Variants in RIMS3 observed in about 807,000 individuals in gnomAD.
RIMS3 encodes the protein regulating synaptic membrane exocytosis 3.
RIMS3 carries 15 observed loss-of-function variants against 29.2 expected under a neutral mutation model. The observed-to-expected ratio is 0.51, with a 90% confidence interval of 0.34 to 0.79. The LOEUF (loss-of-function observed/expected upper bound fraction) is 0.79. Ranked by LOEUF, RIMS3 falls within the 30% of genes least tolerant of loss-of-function variation. The pLI, the probability that RIMS3 is intolerant of heterozygous loss-of-function variation, is 0.01. For synonymous variants in RIMS3, 161 were observed against 170.1 expected, an observed-to-expected ratio of 0.95 and a Z score of 0.41; for missense variants, 342 against 421.4, an observed-to-expected ratio of 0.81 and a Z score of 1.65.
At chr1:40,683,565 C>A in the RIMS3 span, among the ~76,000 whole-genome samples, 1 of 152,372 alleles carries the variant, frequency 6.6e-6, no homozygotes, top group East Asian at 1.9e-4. Flanking sequence ...TCCAGAACCA[C>A]AACCCAAATA....
intron 3 of RIMS3, among the ~76,000 whole-genome samples, chr1:40,640,116 T>C (rs762500763): frequency 6.6e-6 from 1 of 152,146 alleles, no homozygotes; most frequent in Non-Finnish European, 1.5e-5. Context: ...TGAAGCTGAA[T>C]CAGCTGGATT....
chr1:40,675,861 G>A, the RIMS3 span, among the ~76,000 whole-genome samples: 6 of 152,058 alleles, frequency 3.9e-5, no homozygotes, highest in African/African-American at 1.4e-4. Context: ...CCAGGATGCA[G>A]AGGTTGCAGT....
At position 40,635,451 on chromosome 1, in the gene RIMS3, T is replaced by C. The variant is rs530447715; in HGVS notation, c.359+465A>G. On this transcript the variant is annotated intron_variant, in intron 4 of 7. Transcript: ENST00000372684. The surrounding 1 kb of genome is among the most constrained non-coding windows in gnomAD (Gnocchi z 4.1). ...GACCCACTAAACCTATTTTATTTCC[T>C]GTCTATGAGTCACCATCCATGGTTT... Among the ~76,000 whole-genome samples the C allele has an allele frequency of 2.6e-5, 4 of 152,362 alleles. No homozygotes were observed. The highest frequency in any genetic ancestry group is 9.6e-5 in the African/African-American group (4 of 41,590).
chr1:40,685,267 AT>A, the RIMS3 span, among the ~76,000 whole-genome samples: 1 of 140,458 alleles, frequency 7.1e-6, no homozygotes, highest in African/African-American at 2.7e-5. Flanking sequence ...TAAATTTATT[AT>A]GAAAAACATA....
At chr1:40,638,547 C>T (rs1646535994) in intron 3 of RIMS3, among the ~76,000 whole-genome samples, 1 of 152,260 alleles carries the variant, frequency 6.6e-6, no homozygotes, top group South Asian at 2.1e-4. Context: ...TGTACCACCA[C>T]TCCCTATGGC....
rs1425978920 is a variant in RIMS3, at chr1:40,654,269, G to T, written c.-206-6427C>A. Among the ~76,000 whole-genome samples the T allele has an allele frequency of 6.6e-6, 1 of 151,828 alleles. No individual in the cohort carries two copies. The highest frequency in any genetic ancestry group is 1.5e-5 in the Non-Finnish European group (1 of 67,944). ...CACCAAGCCGGAAGGCGCCGCCCGC[G>T]CCTGCTGCCCACCCTGGGGACCCTC... On this transcript the variant is annotated intron_variant, in intron 1 of 7. Coordinates refer to ENST00000372684, the MANE Select transcript of RIMS3 (RefSeq NM_014747.3). The surrounding 1 kb of genome is among the most constrained non-coding windows in gnomAD (Gnocchi z 5.3).
rs989723600 is a variant in RIMS3, at chr1:40,636,933, C to A, written c.218-876G>T. Among the ~76,000 whole-genome samples the A allele has an allele frequency of 3.9e-5, 6 of 152,248 alleles. No individual in the cohort carries two copies. The highest frequency in any genetic ancestry group is 1.2e-4 in the African/African-American group (5 of 41,458). On this transcript the variant is annotated intron_variant, in intron 3 of 7. Transcript: ENST00000372684. This position sits in a 1 kb window ranked among gnomAD's most constrained non-coding sequence, Gnocchi z 4.2. ...AGTGTGGTCCCTCTAGACACCCTCTCCTCCTGGCGGGGGGCGGATGGGGGA... is the reference window on the plus strand; with the variant it reads ...AGTGTGGTCCCTCTAGACACCCTCTACTCCTGGCGGGGGGCGGATGGGGGA...
At chr1:40,686,170 C>T in the RIMS3 span, among the ~76,000 whole-genome samples, 13 of 151,928 alleles carry the variant, frequency 8.6e-5, no homozygotes, top group African/African-American at 3.1e-4. Context: ...AAGTAGAGTG[C>T]CATTACCAGT....
chr1:40,681,334 G>A, the RIMS3 span, among the ~76,000 whole-genome samples: 4 of 152,078 alleles, frequency 2.6e-5, no homozygotes, highest in Non-Finnish European at 4.4e-5. Context: ...AGAAGGCATC[G>A]AAACTGATGT....
intron 6 of RIMS3, 131 bp from the exon 7 acceptor site, chr1:40,629,080 C>T (rs1437509983): frequency 4.9e-6 from 6 of 1,236,046 alleles, no homozygotes; most frequent in East Asian, 2.4e-5. Flanking sequence ...GGACAGCAGG[C>T]AGAAGAGGTG....
Position 40,641,945 on chromosome 1 carries a change from C to A in RIMS3, c.-20G>T. 1 of 1,602,088 alleles carries A rather than the reference C, an allele frequency of 6.2e-7. No individual in the cohort carries two copies. Among genetic ancestry groups the A allele is most frequent in the Non-Finnish European group, 8.5e-7 (1 of 1,170,654 alleles). ...AAACATGGTCCCCGGGGTGGCAGGG[C>A]CTCAGGCAGCTCTGAAGATGGGCAG... On this transcript the variant is annotated 5_prime_UTR_variant, in exon 3 of 8. Transcript: ENST00000372684.
Position 40,624,610 on chromosome 1 carries a change from CT to C in RIMS3, c.*1906del, listed in dbSNP as rs1444583433. 6.6e-6 allele frequency: 1 copy of C among 152,364 alleles called. No homozygotes were observed. Among genetic ancestry groups the C allele is most frequent in the Non-Finnish European group, 1.5e-5 (1 of 68,074 alleles). 9.4% of individuals were successfully genotyped at this position (152,364 alleles called of 1,614,324 possible). ...CCTGGGAGCTAACTCCGTTCATTTC[CT>C]TCCTGCCCTTACCCACTTCTTGTCC... On this transcript the variant is annotated 3_prime_UTR_variant, in exon 8 of 8. Coordinates refer to ENST00000372684, the MANE Select transcript of RIMS3 (RefSeq NM_014747.3).
At chr1:40,668,495 G>A (rs1188364023), upstream of RIMS3, among the ~76,000 whole-genome samples, 2 of 56,170 alleles carry the variant, frequency 3.6e-5, no homozygotes, top group East Asian at 8.4e-4. Context: ...TGTGGGCGGG[G>A]GGGGGGGGGT....
the RIMS3 span, among the ~76,000 whole-genome samples, chr1:40,689,053 T>G: frequency 6.6e-6 from 1 of 152,046 alleles, no homozygotes; most frequent in African/African-American, 2.4e-5. Context: ...CATGTTATGC[T>G]GCAGTAACAA....
chr1:40,661,989 G>A (rs1277740829), intron 1 of RIMS3, among the ~76,000 whole-genome samples: 1 of 152,152 alleles, frequency 6.6e-6, no homozygotes, highest in Non-Finnish European at 1.5e-5. Flanking sequence ...ATAAACAACC[G>A]GTTCCCTGGG....
At position 40,648,653 on chromosome 1, in the gene RIMS3, G is replaced by C. The variant is rs980102758; in HGVS notation, c.-206-811C>G. On this transcript the variant is annotated intron_variant, in intron 1 of 7. Coordinates refer to ENST00000372684, the MANE Select transcript of RIMS3 (RefSeq NM_014747.3). ...TAAGATTCCTTTATAAATCGTAAAG[G>C]ATTGTCCAGTTGTTAGTTCTTATTG... Among the ~76,000 whole-genome samples the C allele has an allele frequency of 5.3e-5, 8 of 152,316 alleles. No individual in the cohort carries two copies. In the East Asian group the frequency reaches 1.5e-3, roughly 29 times the overall value.
chr1:40,668,307 A>G (rs1165280060), upstream of RIMS3, among the ~76,000 whole-genome samples: 3 of 151,318 alleles, frequency 2.0e-5, no homozygotes, highest in Non-Finnish European at 2.9e-5. Context: ...CTGTAGTCCC[A>G]GCTACCAGGG....
At chr1:40,648,002 T>G (rs1646606513) in intron 1 of RIMS3, among the ~76,000 whole-genome samples, 160 bp from the exon 2 acceptor site, 1 of 152,158 alleles carries the variant, frequency 6.6e-6, no homozygotes, top group Non-Finnish European at 1.5e-5. Flanking sequence ...CTTGTAAAAT[T>G]TTTACAACTC....
chr1:40,670,634 C>T (rs1165029163), upstream of RIMS3, among the ~76,000 whole-genome samples: 2 of 122,750 alleles, frequency 1.6e-5, no homozygotes, highest in African/African-American at 6.4e-5. Context: ...CACTCTGTTA[C>T]CCAGGAGGCA....
Sources: gnomAD v4.1 joint callset for allele counts (sites outside exome capture counted in the v4.1 genomes callset) on GRCh38, gnomAD v4.1.1 for gene constraint, Gnocchi (gnomAD v3.1) non-coding constraint, MANE v1.5 for transcripts, NCBI Gene and HGNC (gene_info 2026-07-23, HGNC 2026-07-21) for gene names.